ABCG2: variants seen among roughly 807,000 people sequenced by gnomAD.
The protein encoded by ABCG2 is ATP binding cassette subfamily G member 2 (JR blood group).
In ABCG2, 80 loss-of-function variants were observed where a neutral mutation model predicts 73.5. The ratio of observed to expected loss-of-function variants is 1.09; its 90% confidence interval spans 0.91 to 1.31. The LOEUF (loss-of-function observed/expected upper bound fraction) is 1.31. Ranked by LOEUF, ABCG2 falls within the 50% of genes most tolerant of loss-of-function variation. The pLI is 0.00. For missense variants in ABCG2, 796 were observed against 786.2 expected (o/e 1.01, Z -0.15); for synonymous variants, 269 against 282.4 (o/e 0.95, Z 0.48).
At chr4:88,100,781 C>T (rs537980337) in intron 11 of ABCG2, among the ~76,000 whole-genome samples, 11 of 152,278 alleles carry the variant, frequency 7.2e-5, no homozygotes, top group Admixed American at 4.6e-4. Flanking sequence ...CGTTCTTTGT[C>T]GACTTAATCT....
intron 13 of ABCG2, among the ~76,000 whole-genome samples, 189 bp downstream of exon 13, chr4:88,097,264 A>G (rs1722046815): frequency 1.3e-5 from 2 of 152,222 alleles, no homozygotes; most frequent in Admixed American, 6.5e-5. Flanking sequence ...GTAGCAAAAA[A>G]GGTTGGATAA....
chr4:88,096,085 C>T lies in ABCG2; in HGVS notation c.1648-476G>A, dbSNP rs368953121. ...TTTACAAAGGTTTGCAGTCTATATC[C>T]ATATGACTTTAGCAAGGATATGAGG... On this transcript the variant is annotated intron_variant, in intron 13 of 15. Coordinates refer to ENST00000237612, the MANE Select transcript of ABCG2 (RefSeq NM_004827.3). Among the ~76,000 whole-genome samples the T allele has an allele frequency of 3.1e-4, 47 of 152,272 alleles. No homozygotes were observed. The South Asian group carries it at 9.7e-3, about 32-fold the overall frequency.
At chr4:88,117,560 C>T (rs1430987827) in intron 7 of ABCG2, among the ~76,000 whole-genome samples, 1 of 151,604 alleles carries the variant, frequency 6.6e-6, no homozygotes, top group Non-Finnish European at 1.5e-5. Context: ...TGGTGTGAAC[C>T]CGAGAGGCAG....
intron 1 of ABCG2, among the ~76,000 whole-genome samples, chr4:88,148,476 G>A (rs746799190): frequency 2.6e-5 from 4 of 152,138 alleles, no homozygotes; most frequent in Non-Finnish European, 2.9e-5. Context: ...GGTGCAGCGT[G>A]CCTGATCAGG....
At chr4:88,112,738 T>A (rs1357674210) in intron 9 of ABCG2, among the ~76,000 whole-genome samples, 7 of 151,732 alleles carry the variant, frequency 4.6e-5, no homozygotes, top group African/African-American at 7.3e-5. Flanking sequence ...AAAAAAAAAA[T>A]TTTTCTACTC....
intron 1 of ABCG2, among the ~76,000 whole-genome samples, chr4:88,196,773 C>T (rs1355884186): frequency 1.4e-5 from 2 of 147,496 alleles, no homozygotes; most frequent in East Asian, 2.0e-4. Flanking sequence ...GATGCTCTTA[C>T]ACTGAAGATT....
At chr4:88,223,653 G>A (rs1245604260) in intron 1 of ABCG2, 3 of 152,404 alleles carry the variant, frequency 2.0e-5, no homozygotes, top group Non-Finnish European at 2.9e-5. Context: ...GTGTGAGAAT[G>A]GACTAATACA....
At chr4:88,172,973 G>A (rs1050410281) in intron 1 of ABCG2, among the ~76,000 whole-genome samples, 11 of 152,136 alleles carry the variant, frequency 7.2e-5, no homozygotes, top group Non-Finnish European at 1.5e-4. Flanking sequence ...TAGCTTAATT[G>A]CCTGGTCTCT....
At chr4:88,178,229 C>A (rs1209945401) in intron 1 of ABCG2, among the ~76,000 whole-genome samples, 3 of 152,132 alleles carry the variant, frequency 2.0e-5, no homozygotes, top group Non-Finnish European at 4.4e-5. Flanking sequence ...ACTTCAATAC[C>A]AGCTCAACCA....
intron 1 of ABCG2, among the ~76,000 whole-genome samples, chr4:88,191,086 C>CA (rs149771048): frequency 6.1e-5 from 9 of 148,286 alleles, no homozygotes; most frequent in Admixed American, 3.4e-4. Flanking sequence ...AATACACACA[C>CA]AAAAAAAAAT....
intron 5 of ABCG2, among the ~76,000 whole-genome samples, chr4:88,127,180 CAA>C (rs1161346212): frequency 6.6e-6 from 1 of 151,978 alleles, no homozygotes; most frequent in Non-Finnish European, 1.5e-5. Context: ...ACAATTGGTA[CAA>C]AGAGAATAAA....
intron 1 of ABCG2, among the ~76,000 whole-genome samples, chr4:88,194,136 C>T (rs1362727673): frequency 6.6e-6 from 1 of 152,190 alleles, no homozygotes; most frequent in Non-Finnish European, 1.5e-5. Flanking sequence ...GTGCTCTTTG[C>T]CTTTTCCTCT....
At chr4:88,221,329 C>A (rs1217590114) in intron 1 of ABCG2, among the ~76,000 whole-genome samples, 13 of 152,014 alleles carry the variant, frequency 8.6e-5, no homozygotes, top group Admixed American at 6.6e-5. Context: ...TTCATAGCAG[C>A]ATGAGAACGG....
Position 88,196,539 on chromosome 4 carries a change from G to A in ABCG2, c.-20+34455C>T, listed in dbSNP as rs776778848. ...TTATTTGATGCAAAAGCTGTCAAGT[G>A]CATCTCCTGTTTTTTTAAAATCTGG... On this transcript the variant is annotated intron_variant, in intron 1 of 15. Coordinates refer to the ABCG2 transcript ENST00000515655. Among the ~76,000 whole-genome samples, 6 of 152,098 alleles carry A rather than the reference G, an allele frequency of 3.9e-5. No homozygotes were observed. In the East Asian group the frequency reaches 1.2e-3, roughly 29 times the overall value.
At chr4:88,096,991 AC>A (rs1722026036) in intron 13 of ABCG2, among the ~76,000 whole-genome samples, 1 of 152,176 alleles carries the variant, frequency 6.6e-6, no homozygotes, top group Non-Finnish European at 1.5e-5. Context: ...TGGTGGGTAA[AC>A]AAGCTAGCAG....
At chr4:88,192,717 C>T (rs1454269596) in intron 1 of ABCG2, among the ~76,000 whole-genome samples, 2 of 146,086 alleles carry the variant, frequency 1.4e-5, no homozygotes, top group African/African-American at 5.1e-5. Context: ...CTATGCCTGG[C>T]CTTTTTTTTT....
intron 1 of ABCG2, among the ~76,000 whole-genome samples, chr4:88,204,140 G>A (rs1213806159): frequency 7.2e-5 from 11 of 152,064 alleles, no homozygotes; most frequent in East Asian, 1.9e-4. Context: ...AATTCAAGCC[G>A]GCCGGGCTTG....
rs1447052849 is a variant in ABCG2 at position 88,091,901 on chromosome 4, A to C, written c.*333T>G. 4.9e-6 allele frequency: 1 copy of C among 204,006 alleles called. No homozygotes were observed. Among genetic ancestry groups the C allele is most frequent in the Admixed American group, 5.3e-5 (1 of 18,994 alleles). The allele number at this position is 204,006 out of a possible 1,614,324, so 12.6% of individuals were successfully genotyped here. On this transcript the variant is annotated 3_prime_UTR_variant, in exon 16 of 16. Coordinates refer to ENST00000237612, the MANE Select transcript of ABCG2 (RefSeq NM_004827.3). Reference sequence around the variant, plus strand: ...GCTACTAACCTACCTATTCATTTTAAAGATGAGGAAACAAATGCCAGAGAC... The same window carrying C: ...GCTACTAACCTACCTATTCATTTTACAGATGAGGAAACAAATGCCAGAGAC...
At chr4:88,147,586 G>A (rs2725245) in intron 1 of ABCG2, among the ~76,000 whole-genome samples, 62,769 of 151,954 alleles carry the variant, frequency 0.41, 13,874 homozygotes, top group East Asian at 0.67. Context: ...AACTATTTTT[G>A]TTTCCTGCAG....
Sources: allele counts gnomAD v4.1 joint callset (sites outside exome capture counted in the v4.1 genomes callset), GRCh38; gene constraint gnomAD v4.1.1; transcripts MANE v1.5; gene names NCBI Gene and HGNC (gene_info 2026-07-23, HGNC 2026-07-21).